Variants in PTMA observed in about 807,000 individuals in gnomAD.
The protein encoded by PTMA is prothymosin alpha.
Under a neutral mutation model 16.9 loss-of-function variants are expected in PTMA, and 4 were observed. The observed-to-expected ratio is 0.24, with a 90% CI of 0.12 to 0.54. PTMA has a LOEUF of 0.54. PTMA is among the 20% of genes least tolerant of loss of function. The pLI is 0.95. For synonymous variants in PTMA, 58 were observed against 47.9 expected, an observed-to-expected ratio of 1.21 and a Z score of -0.87; for missense variants, 120 against 137.7, an observed-to-expected ratio of 0.87 and a Z score of 0.64.
chr2:231,709,857 C>G (rs1287069049), intron 1 of PTMA: 2 of 252,014 alleles, frequency 7.9e-6, no homozygotes, highest in Non-Finnish European at 1.5e-5. Context: ...GCGCGAGTCA[C>G]CTTGGCGTCT....
At position 231,712,467 on chromosome 2, in the gene PTMA, A is replaced by ATGAGGAAGC; in HGVS notation, c.241_249dup (p.Glu81_Glu83dup). The ATGAGGAAGC allele has an allele frequency of 6.2e-7, 1 of 1,614,142 alleles. No homozygotes were observed. Among genetic ancestry groups the ATGAGGAAGC allele is most frequent in the Non-Finnish European group, 8.5e-7 (1 of 1,180,012 alleles). On this transcript the variant is annotated inframe_insertion, in exon 4 of 5. Coordinates refer to ENST00000409115, the MANE Select transcript of PTMA (RefSeq NM_002823.5). The stretch of plus-strand genomic sequence containing the variant: ...GGTGAGGAAGAGGATGGAGATGAAG[A>ATGAGGAAGC]TGAGGAAGCTGAGTCAGCTACGGGC...
intron 1 of PTMA, 95 bp downstream of exon 1, chr2:231,708,846 T>TG: frequency 7.0e-7 from 1 of 1,428,224 alleles, no homozygotes; most frequent in Non-Finnish European, 9.5e-7. Context: ...AGCCCGCTGT[T>TG]GCTCCCTCTC....
chr2:231,710,273 G>C (rs772863082), intron 1 of PTMA: 8 of 1,308,280 alleles, frequency 6.1e-6, no homozygotes, highest in East Asian at 3.0e-5. Flanking sequence ...GCCACTGCAA[G>C]CTCTGCCTGC....
chr2:231,712,701 A>G lies in PTMA; in HGVS notation c.286-103A>G, dbSNP rs1212819928. The G allele has an allele frequency of 9.8e-6, 14 of 1,431,910 alleles. No homozygotes were observed. In the African/African-American group the frequency reaches 2.0e-4, roughly 21 times the overall value. 88.7% of individuals were successfully genotyped at this position (1,431,910 alleles called of 1,614,324 possible). On this transcript the variant is annotated intron_variant, in intron 4 of 4. Coordinates refer to ENST00000409115, the MANE Select transcript of PTMA (RefSeq NM_002823.5). ...ACTTCCCAGAGGCCTTGGGCTGTGG[A>G]GCTGGGGGTCCCTGGTTCTTGCTCT...
rs1218238792 is a variant in PTMA at position 231,708,571 on chromosome 2, C to T, written c.-136C>T. 1.3e-5 allele frequency: 13 copies of T among 1,009,130 alleles called. No individual in the cohort carries two copies. Among genetic ancestry groups the T allele is most frequent in the East Asian group, 2.5e-5 (1 of 40,736 alleles). The allele number at this position is 1,009,130 out of a possible 1,614,324, so 62.5% of individuals were successfully genotyped here. ...AGCCATCTTTGCATTGTTCCTCATCCGCCTCCTTGCTCGCCGCAGCCGCCT... is the reference window on the plus strand; with the variant it reads ...AGCCATCTTTGCATTGTTCCTCATCTGCCTCCTTGCTCGCCGCAGCCGCCT... On this transcript the variant is annotated 5_prime_UTR_variant, in exon 1 of 5. Coordinates refer to ENST00000409115, the MANE Select transcript of PTMA (RefSeq NM_002823.5).
Position 231,709,158 on chromosome 2 carries a change from T to C in PTMA, c.45+407T>C, listed in dbSNP as rs574163623. ...AATCGGAAGTGCTGGGGGGCGCGTGTTGGGGCGCGGGCCGGCCGCGGGAAG... is the reference window on the plus strand; with the variant it reads ...AATCGGAAGTGCTGGGGGGCGCGTGCTGGGGCGCGGGCCGGCCGCGGGAAG... On this transcript the variant is annotated intron_variant, in intron 1 of 4. Transcript: ENST00000409115. Among the ~76,000 whole-genome samples, 12 of 152,116 alleles carry C rather than the reference T, an allele frequency of 7.9e-5. No individual in the cohort carries two copies. The South Asian group carries it at 1.2e-3, about 16-fold the overall frequency.
chr2:231,710,899 C>T (rs1450783284), intron 1 of PTMA, among the ~76,000 whole-genome samples: 2 of 152,232 alleles, frequency 1.3e-5, no homozygotes, highest in Non-Finnish European at 1.5e-5. Context: ...TCTCCCCGAG[C>T]GCAGGCCCCT....
chr2:231,712,914 C>T lies in PTMA; in HGVS notation c.*63C>T. On this transcript the variant is annotated 3_prime_UTR_variant, in exon 5 of 5. Transcript: ENST00000409115. The stretch of plus-strand genomic sequence containing the variant: ...GCCGCCGTGACCTATTCACCCTCCA[C>T]TTCCCGTCTCAGAATCTAAACGTGG... 1.3e-6 allele frequency: 2 copies of T among 1,490,668 alleles called. No homozygotes were observed. Among genetic ancestry groups the T allele is most frequent in the East Asian group, 2.5e-5 (1 of 40,626 alleles). The allele number at this position is 1,490,668 out of a possible 1,614,324, so 92.3% of individuals were successfully genotyped here. A position where few individuals can be genotyped will look rare whatever the true frequency, so the allele number is the denominator to read the frequency against.
At position 231,711,791 on chromosome 2, in the gene PTMA, GCAGCCGC is replaced by G. The variant is rs2048521632; in HGVS notation, c.118-93_118-87del. ...GGCTTGGCTTGGCTGGGCTGTAGAT[GCAGCCGC>G]CAGCCTCTGGTGGGAGGCCGGGCAT... is the stretch of plus-strand genomic sequence containing the variant. On this transcript the variant is annotated intron_variant, in intron 2 of 4. Coordinates refer to ENST00000409115, the MANE Select transcript of PTMA (RefSeq NM_002823.5). 8 of 1,552,130 alleles carry G rather than the reference GCAGCCGC, an allele frequency of 5.2e-6. No homozygotes were observed. In the East Asian group the frequency reaches 1.8e-4, roughly 35 times the overall value.
At chr2:231,708,908 G>A (rs1026214331) in intron 1 of PTMA, among the ~76,000 whole-genome samples, 157 bp downstream of exon 1, 3 of 152,200 alleles carry the variant, frequency 2.0e-5, no homozygotes, top group Non-Finnish European at 4.4e-5. Context: ...CCCACTCTTT[G>A]TGTGGTGCGG....
At chr2:231,710,531 C>A in intron 1 of PTMA, 2 of 785,354 alleles carry the variant, frequency 2.5e-6, no homozygotes, top group Non-Finnish European at 3.8e-6. Context: ...TGGCCCGGAG[C>A]CGCTCGCCGG....
At chr2:231,711,827 G>A (rs1202764969) in intron 2 of PTMA, 63 bp from the exon 3 acceptor site, 2 of 1,590,050 alleles carry the variant, frequency 1.3e-6, no homozygotes, top group Non-Finnish European at 1.7e-6. Context: ...CGGGCATCAG[G>A]AGCAACGCTC....
intron 1 of PTMA, 86 bp downstream of exon 1, chr2:231,708,837 G>A: frequency 2.1e-6 from 3 of 1,462,442 alleles, no homozygotes; most frequent in Non-Finnish European, 2.8e-6. Flanking sequence ...ACTGTCTCAA[G>A]CCCGCTGTTG....
intron 1 of PTMA, chr2:231,710,177 GAA>G (rs763187724): frequency 1.5e-6 from 2 of 1,293,370 alleles, no homozygotes; most frequent in Non-Finnish European, 2.0e-6. Context: ...TTGGCCCGCC[GAA>G]TGCAGACATT....
intron 2 of PTMA, 188 bp from the exon 3 acceptor site, chr2:231,711,702 A>G: frequency 1.8e-6 from 2 of 1,083,706 alleles, no homozygotes; most frequent in Admixed American, 2.9e-5. Flanking sequence ...GTCCTGGGGC[A>G]GTTAATGTGC....
chr2:231,711,856 C>G, intron 2 of PTMA, 34 bp from the exon 3 acceptor site: 1 of 1,610,292 alleles, frequency 6.2e-7, no homozygotes, highest in Non-Finnish European at 8.5e-7. Context: ...CTGGGGCCAG[C>G]TGGTAATGAC....
At chr2:231,710,012 C>A in intron 1 of PTMA, 1 of 1,154,792 alleles carries the variant, frequency 8.7e-7, no homozygotes. Flanking sequence ...GGGGTGAGAA[C>A]ACCGTCCCCA....
At position 231,710,147 on chromosome 2, in the gene PTMA, G is replaced by A. The variant is rs2048497884; in HGVS notation, c.46-1201G>A. On this transcript the variant is annotated intron_variant, in intron 1 of 4. Coordinates refer to ENST00000409115, the MANE Select transcript of PTMA (RefSeq NM_002823.5). Reference sequence around the variant, plus strand: ...GGACCTACGCAGCCCGGTGGACTTTGGGGCGACCTCCCGTGGGACTTGGCC... The same window carrying A: ...GGACCTACGCAGCCCGGTGGACTTTAGGGCGACCTCCCGTGGGACTTGGCC... The A allele has an allele frequency of 4.0e-6, 5 of 1,258,126 alleles. No individual in the cohort carries two copies. In the East Asian group the frequency reaches 1.6e-4, roughly 39 times the overall value. The allele number at this position is 1,258,126 out of a possible 1,614,324, so 77.9% of individuals were successfully genotyped here.
At chr2:231,711,853 C>T (rs756652143) in intron 2 of PTMA, 37 bp from the exon 3 acceptor site, 14 of 1,610,272 alleles carry the variant, frequency 8.7e-6, no homozygotes, top group Non-Finnish European at 1.2e-5. Context: ...AGCCTGGGGC[C>T]AGCTGGTAAT....
Sources: gnomAD v4.1 joint callset for allele counts (sites outside exome capture counted in the v4.1 genomes callset) on GRCh38, gnomAD v4.1.1 for gene constraint, MANE v1.5 for transcripts, NCBI Gene and HGNC (gene_info 2026-07-23, HGNC 2026-07-21) for gene names.